Variants in ATG14 observed in about 807,000 individuals in gnomAD.
ATG14 encodes the protein beclin 1-associated autophagy-related key regulator.
A neutral mutation model predicts 60.4 loss-of-function variants in ATG14; 35 were observed. The observed-to-expected ratio is 0.58, with a 90% CI of 0.44 to 0.77. The LOEUF is 0.77. ATG14 is among the 30% of genes least tolerant of loss of function. The pLI is 0.00. For synonymous variants in ATG14, 234 were observed against 228.8 expected, an observed-to-expected ratio of 1.02 and a Z score of -0.21; for missense variants, 647 against 626.3, an observed-to-expected ratio of 1.03 and a Z score of -0.35.
At chr14:55,372,662 C>T (rs555098400) in intron 9 of ATG14, among the ~76,000 whole-genome samples, 1 of 152,078 alleles carries the variant, frequency 6.6e-6, no homozygotes, top group South Asian at 2.1e-4. Context: ...CTTGCTCCTT[C>T]CTTCGCTCCT....
At chr14:55,397,648 CTG>C (rs1425293165) in intron 1 of ATG14, among the ~76,000 whole-genome samples, 1 of 152,136 alleles carries the variant, frequency 6.6e-6, no homozygotes, top group Non-Finnish European at 1.5e-5. Context: ...AAATTATTTC[CTG>C]TGTTTATAAA....
intron 1 of ATG14, among the ~76,000 whole-genome samples, chr14:55,409,564 A>C (rs1885539881): frequency 6.6e-6 from 1 of 151,826 alleles, no homozygotes; most frequent in South Asian, 2.1e-4. Flanking sequence ...AGGCACCTAA[A>C]AAAAAAAACA....
At chr14:55,392,417 GC>G (rs1370562818) in intron 3 of ATG14, among the ~76,000 whole-genome samples, 2 of 152,116 alleles carry the variant, frequency 1.3e-5, no homozygotes, top group Non-Finnish European at 2.9e-5. Context: ...GGAAGCTGAG[GC>G]AGGCACATCA....
chr14:55,405,620 G>C (rs750500529), intron 1 of ATG14, among the ~76,000 whole-genome samples: 4 of 152,170 alleles, frequency 2.6e-5, no homozygotes, highest in Non-Finnish European at 5.9e-5. Context: ...TTTCTTTCCT[G>C]TTGTGAGTGG....
intron 5 of ATG14, among the ~76,000 whole-genome samples, chr14:55,385,631 C>A (rs923696137): frequency 2.0e-5 from 3 of 152,166 alleles, no homozygotes; most frequent in African/African-American, 4.8e-5. Context: ...GTCAGCACCT[C>A]ATCTAGAAGC....
chr14:55,409,701 C>G (rs890840320), intron 1 of ATG14, among the ~76,000 whole-genome samples: 1 of 152,068 alleles, frequency 6.6e-6, no homozygotes, highest in Non-Finnish European at 1.5e-5. Context: ...AGTGGCACAG[C>G]AGATTAGGTA....
intron 9 of ATG14, among the ~76,000 whole-genome samples, chr14:55,374,216 G>GTTTTTTTTTTTTTTAATTTTT (rs112314795): frequency 6.6e-6 from 1 of 151,232 alleles, no homozygotes. Flanking sequence ...TTATTTTAAT[G>GTTTTTTTTTTTTTTAATTTTT]TTTTTTTTTA....
At chr14:55,393,339 C>T (rs1024790676) in intron 3 of ATG14, among the ~76,000 whole-genome samples, 46 of 151,296 alleles carry the variant, frequency 3.0e-4, no homozygotes, top group African/African-American at 1.1e-3. Context: ...GAGCCGAGAT[C>T]GCGCCACTGC....
At chr14:55,370,015 G>C (rs1291916592) in intron 9 of ATG14, 90 bp from the exon 10 acceptor site, 3 of 1,306,448 alleles carry the variant, frequency 2.3e-6, no homozygotes, top group Non-Finnish European at 2.1e-6. Context: ...TCACCTGAGG[G>C]GATGAGGGAC....
At chr14:55,378,655 C>G (rs1273055024) in intron 7 of ATG14, among the ~76,000 whole-genome samples, 1 of 152,038 alleles carries the variant, frequency 6.6e-6, no homozygotes, top group Non-Finnish European at 1.5e-5. Context: ...ACACACCTGC[C>G]CACTCAAACA....
At chr14:55,401,802 C>G (rs1045211927) in intron 1 of ATG14, among the ~76,000 whole-genome samples, 7 of 152,178 alleles carry the variant, frequency 4.6e-5, no homozygotes, top group African/African-American at 1.4e-4. Context: ...TCAGAGGCAG[C>G]CACCCAGGAG....
chr14:55,399,610 A>G (rs2140147287), intron 1 of ATG14, among the ~76,000 whole-genome samples: 1 of 152,312 alleles, frequency 6.6e-6, no homozygotes, highest in South Asian at 2.1e-4. Flanking sequence ...TGGACCTATC[A>G]CTTGTTATAT....
intron 9 of ATG14, among the ~76,000 whole-genome samples, chr14:55,371,217 G>A (rs1230192856): frequency 6.6e-6 from 1 of 152,216 alleles, no homozygotes; most frequent in Non-Finnish European, 1.5e-5. Flanking sequence ...AGAAATGAGA[G>A]CCTAGAATCG....
At chr14:55,371,537 T>C (rs977881810) in intron 9 of ATG14, among the ~76,000 whole-genome samples, 1 of 152,292 alleles carries the variant, frequency 6.6e-6, no homozygotes, top group African/African-American at 2.4e-5. Flanking sequence ...CCGGGCGCGG[T>C]GGCTCACACC....
intron 3 of ATG14, among the ~76,000 whole-genome samples, chr14:55,393,246 G>A (rs1013830525): frequency 5.9e-5 from 9 of 152,162 alleles, no homozygotes; most frequent in South Asian, 2.1e-4. Flanking sequence ...TTAGCCGGGC[G>A]TGGTGGTGGG....
chr14:55,395,821 G>T, intron 3 of ATG14, 119 bp downstream of exon 3: 1 of 594,986 alleles, frequency 1.7e-6, no homozygotes, highest in Non-Finnish European at 2.6e-6. Flanking sequence ...GCTACAAGTG[G>T]ATTAAGTAGA....
rs529553307 is a variant in ATG14, at chr14:55,367,800, A to G, written c.*1819T>C. ...AAGCCTACTTCCTCCTTTCATGGAA[A>G]ATTCATAGAGCCAAGGAATTTGTGA... is the stretch of plus-strand genomic sequence containing the variant. On this transcript the variant is annotated 3_prime_UTR_variant, in exon 10 of 10. Transcript: ENST00000247178. 6.6e-6 allele frequency: 1 copy of G among 152,174 alleles called. No individual in the cohort carries two copies. Among genetic ancestry groups the G allele is most frequent in the Non-Finnish European group, 1.5e-5 (1 of 68,032 alleles). 9.4% of individuals were successfully genotyped at this position (152,174 alleles called of 1,614,324 possible).
At chr14:55,396,302 T>C (rs552855812) in intron 2 of ATG14, among the ~76,000 whole-genome samples, 37 of 152,336 alleles carry the variant, frequency 2.4e-4, no homozygotes, top group African/African-American at 8.4e-4. Flanking sequence ...ACAAGAGAAT[T>C]AATGATCTAA....
intron 9 of ATG14, among the ~76,000 whole-genome samples, chr14:55,373,607 C>T (rs1884863446): frequency 6.6e-6 from 1 of 151,936 alleles, no homozygotes; most frequent in South Asian, 2.1e-4. Context: ...TTACAGGCAC[C>T]CGCCACCACG....
Sources: gnomAD v4.1 joint callset for allele counts (sites outside exome capture counted in the v4.1 genomes callset) on GRCh38, gnomAD v4.1.1 for gene constraint, MANE v1.5 for transcripts, NCBI Gene and HGNC (gene_info 2026-07-23, HGNC 2026-07-21) for gene names.